Variants in ZBTB40 observed in about 807,000 individuals in gnomAD.
ZBTB40 encodes zinc finger and BTB domain containing 40.
In ZBTB40, 60 loss-of-function variants were observed where a neutral mutation model predicts 117.5. The observed-to-expected ratio is 0.51, with a 90% confidence interval of 0.41 to 0.63. The LOEUF (loss-of-function observed/expected upper bound fraction) is 0.63, where lower values mean the gene tolerates loss of function less well. Among genes scored for constraint, ZBTB40 ranks in the 30% least tolerant of loss-of-function variants. The probability of loss-of-function intolerance (pLI) is 0.00; values close to 1 mark genes in which losing one functional copy is unlikely to be tolerated. For missense variants in ZBTB40, 1,287 were observed against 1,498.5 expected, an observed-to-expected ratio of 0.86 and a Z score of 2.33; for synonymous variants, 525 against 577.1, an observed-to-expected ratio of 0.91 and a Z score of 1.29.
intron 3 of ZBTB40, among the ~76,000 whole-genome samples, chr1:22,495,878 G>T (rs1004726505): frequency 6.6e-6 from 1 of 152,198 alleles, no homozygotes; most frequent in Non-Finnish European, 1.5e-5. Flanking sequence ...TTTCAACACT[G>T]CCACTTACTT....
At chr1:22,432,378 C>T (rs969019882) in intron 1 of ZBTB40, among the ~76,000 whole-genome samples, 4 of 152,228 alleles carry the variant, frequency 2.6e-5, no homozygotes, top group Admixed American at 6.5e-5. Context: ...TGGGTACACT[C>T]AGCCTTAGAG....
intron 4 of ZBTB40, 29 bp downstream of exon 4, chr1:22,501,713 G>T (rs774579066): frequency 5.6e-6 from 9 of 1,607,136 alleles, no homozygotes; most frequent in African/African-American, 1.3e-5. Flanking sequence ...CATTGGAATG[G>T]CAGGGTTTTA....
Position 22,501,646 on chromosome 1 carries a change from A to T in ZBTB40, c.986A>T (p.Asp329Val), listed in dbSNP as rs1309598326. ...SNPAVKTALL[D>V]RKPEDVDTVQ... The stretch of plus-strand genomic sequence containing the variant: ...CCTGCAGTAAAAACAGCACTATTAG[A>T]CAGGAAGCCAGAAGATGTAGACACA... Residue 329 changes from aspartate to valine, a missense_variant, in exon 4 of 18, where the codon GAC becomes GTC. Asp to Val is a radical substitution (Grantham distance 152). Coordinates refer to ENST00000375647, the MANE Select transcript of ZBTB40 (RefSeq NM_014870.4). 6.2e-7 allele frequency: 1 copy of T among 1,614,002 alleles called. No individual in the cohort carries two copies. Among genetic ancestry groups the T allele is most frequent in the East Asian group, 2.2e-5 (1 of 44,900 alleles).
chr1:22,494,868 G>T (rs943193766), intron 3 of ZBTB40, among the ~76,000 whole-genome samples: 1 of 152,142 alleles, frequency 6.6e-6, no homozygotes, highest in African/African-American at 2.4e-5. Context: ...CAGAGGAGTC[G>T]CCAAATTACA....
intron 5 of ZBTB40, among the ~76,000 whole-genome samples, chr1:22,502,933 A>T (rs1383383140): frequency 6.6e-6 from 1 of 152,116 alleles, no homozygotes; most frequent in African/African-American, 2.4e-5. Context: ...AGATTTCTCC[A>T]CTCAGAGATG....
In ZBTB40 at chr1:22,513,207, T is replaced by TA. The variant is rs1341220999; in HGVS notation, c.2668+78dup. The TA allele has an allele frequency of 1.3e-6, 2 of 1,503,190 alleles. No homozygotes were observed. Among genetic ancestry groups the TA allele is most frequent in the African/African-American group, 2.8e-5 (2 of 72,418 alleles). The allele number at this position is 1,503,190 out of a possible 1,614,324, so 93.1% of individuals were successfully genotyped here. On this transcript the variant is annotated intron_variant, in intron 12 of 17. Coordinates refer to ENST00000375647, the MANE Select transcript of ZBTB40 (RefSeq NM_014870.4). The surrounding 1 kb of genome is among the most constrained non-coding windows in gnomAD (Gnocchi z 4.9). ...TAAACCCCATTTGGATTAGGTGTGA[T>TA]ATATATCTCAAAAACAAAACAATTT...
chr1:22,528,211 A>T lies in ZBTB40; in HGVS notation c.*1815A>T, dbSNP rs1409538328. On this transcript the variant is annotated 3_prime_UTR_variant, in exon 18 of 18. Transcript: ENST00000375647. ...GAGAGCTCTTGATCTGCAGGTGGCA[A>T]AATGGCACTGAATATCCCCTTGGCA... 6.5e-6 allele frequency: 1 copy of T among 152,728 alleles called. No homozygotes were observed. Among genetic ancestry groups the T allele is most frequent in the Non-Finnish European group, 1.5e-5 (1 of 68,064 alleles). 9.5% of individuals were successfully genotyped at this position (152,728 alleles called of 1,614,324 possible).
At chr1:22,508,201 T>A in intron 7 of ZBTB40, 64 bp downstream of exon 7, 1 of 1,520,072 alleles carries the variant, frequency 6.6e-7, no homozygotes. Context: ...AAAATATGAA[T>A]ACACACACAC....
intron 14 of ZBTB40, among the ~76,000 whole-genome samples, chr1:22,521,059 T>C (rs209719): frequency 0.77 from 116,710 of 152,262 alleles, 45,173 homozygotes; most frequent in African/African-American, 0.87. Context: ...TGCTCGGCTG[T>C]GCCCCAGCTC....
chr1:22,524,427 G>C lies in ZBTB40; in HGVS notation c.3508G>C (p.Ala1170Pro). The C allele has an allele frequency of 6.2e-7, 1 of 1,613,914 alleles. No individual in the cohort carries two copies. Among genetic ancestry groups the C allele is most frequent in the Non-Finnish European group, 8.5e-7 (1 of 1,180,038 alleles). ...GATGAGCACGGAAACCCAGGCCGCAGCCTCACAGATGGCGCAGGTGATTCT... is the reference window on the plus strand; with the variant it reads ...GATGAGCACGGAAACCCAGGCCGCACCCTCACAGATGGCGCAGGTGATTCT... ...KVMSTETQAA[A>P]SQMAQVIQTP... Residue 1170 changes from alanine to proline, a missense_variant, in exon 17 of 18, where the codon GCC becomes CCC. Around this residue, in one of 2 missense-constraint regions of ZBTB40, gnomAD observed 417 missense variants for 564.1 expected, o/e 0.74. Coordinates refer to ENST00000375647, the MANE Select transcript of ZBTB40 (RefSeq NM_014870.4).
intron 1 of ZBTB40, among the ~76,000 whole-genome samples, chr1:22,475,702 T>C (rs946463403): frequency 2.0e-5 from 3 of 152,190 alleles, no homozygotes; most frequent in Non-Finnish European, 1.5e-5. Flanking sequence ...CTTTTAAGAG[T>C]TCTCTTTTCA....
intron 6 of ZBTB40, 124 bp downstream of exon 6, chr1:22,506,365 A>C: frequency 1.0e-6 from 1 of 983,218 alleles, no homozygotes; most frequent in Non-Finnish European, 1.6e-6. Context: ...TGCAGAATAG[A>C]AACTAGCCGT....
In ZBTB40 at chr1:22,520,214, A is replaced by T; in HGVS notation, c.2987A>T (p.His996Leu). 6.2e-7 allele frequency: 1 copy of T among 1,614,046 alleles called. No individual in the cohort carries two copies. Among genetic ancestry groups the T allele is most frequent in the Non-Finnish European group, 8.5e-7 (1 of 1,179,970 alleles). ...IFSAPSMLER[H>L]VVTHVGGKPF... ...AGTGCCCCGTCCATGCTGGAGCGGCACGTGGTGACCCACGTTGGAGGGAAG... is the reference window on the plus strand; with the variant it reads ...AGTGCCCCGTCCATGCTGGAGCGGCTCGTGGTGACCCACGTTGGAGGGAAG... Residue 996 changes from histidine (H) to leucine (L), a missense_variant, in exon 14 of 18, where the codon CAC becomes CTC. Transcript: ENST00000375647.
At chr1:22,468,643 CTTTTTTTTTTTTTTTTT>C in intron 1 of ZBTB40, among the ~76,000 whole-genome samples, 1 of 28,608 alleles carries the variant, frequency 3.5e-5, no homozygotes, top group Admixed American at 6.5e-4. Flanking sequence ...GCCTGGCTGG[CTTTTTTTTTTTTTTTTT>C]TTTTTTTTTT....
intron 1 of ZBTB40, among the ~76,000 whole-genome samples, chr1:22,430,380 G>A (rs949935183): frequency 6.6e-6 from 1 of 152,162 alleles, no homozygotes; most frequent in African/African-American, 2.4e-5. Flanking sequence ...CTTGAGTTCA[G>A]GAGTTGGAGA....
intron 3 of ZBTB40, among the ~76,000 whole-genome samples, chr1:22,499,112 T>G (rs1243477710): frequency 2.0e-5 from 3 of 152,172 alleles, no homozygotes; most frequent in African/African-American, 7.2e-5. Context: ...AAGGCTCAAC[T>G]GGGGGAGTAT....
At chr1:22,443,671 AGGAGATTC>A (rs1296816243) in intron 1 of ZBTB40, among the ~76,000 whole-genome samples, 1 of 152,230 alleles carries the variant, frequency 6.6e-6, no homozygotes, top group Admixed American at 6.5e-5. Context: ...TAGAAAGGGA[AGGAGATTC>A]TCTATAGAAT....
chr1:22,444,281 G>A (rs866542700), intron 1 of ZBTB40, among the ~76,000 whole-genome samples: 4 of 152,070 alleles, frequency 2.6e-5, no homozygotes, highest in Admixed American at 6.5e-5. Context: ...TTAGCTGGGC[G>A]TGGTGGTGGG....
rs369602926 is a variant in ZBTB40, at chr1:22,492,274, T to C, written c.831+741T>C. Among the ~76,000 whole-genome samples the C allele has an allele frequency of 4.6e-5, 7 of 152,302 alleles. No individual in the cohort carries two copies. The South Asian group carries it at 1.2e-3, about 27-fold the overall frequency. ...ACAGGGTAAAAGTGATGCATATATA[T>C]ATAAGTGCTTAGGAATCGCCTGACA... On this transcript the variant is annotated intron_variant, in intron 3 of 17. Transcript: ENST00000375647.
Sources: allele counts gnomAD v4.1 joint callset (sites outside exome capture counted in the v4.1 genomes callset), GRCh38; gene constraint gnomAD v4.1.1; regional missense constraint gnomAD v4.1.1; non-coding constraint Gnocchi (gnomAD v3.1); transcripts MANE v1.5; gene names NCBI Gene and HGNC (gene_info 2026-07-23, HGNC 2026-07-21).